Variants in RIMS2 observed in about 807,000 individuals in gnomAD.
RIMS2 encodes regulating synaptic membrane exocytosis 2, also known as regulating synaptic membrane exocytosis protein 2.
RIMS2 carries 59 observed loss-of-function variants against 174.4 expected under a neutral mutation model. That is an observed-to-expected ratio of 0.34 (90% confidence interval 0.27 to 0.42). The LOEUF (loss-of-function observed/expected upper bound fraction) is 0.42, where lower values mean the gene tolerates loss of function less well. RIMS2 is among the 10% of genes least tolerant of loss of function. The pLI, the probability that RIMS2 is intolerant of heterozygous loss-of-function variation, is 1.00. For missense variants in RIMS2, 1,620 were observed against 1,666.3 expected, an observed-to-expected ratio of 0.97 and a Z score of 0.48; for synonymous variants, 606 against 572.5, an observed-to-expected ratio of 1.06 and a Z score of -0.84.
chr8:103,590,123 GT>G (rs1205696096), intron 1 of RIMS2, among the ~76,000 whole-genome samples: 1 of 151,340 alleles, frequency 6.6e-6, no homozygotes, highest in Admixed American at 6.6e-5. Context: ...GCTTGAGATG[GT>G]GGATACCACA....
chr8:104,054,882 AT>A (rs2096843316), intron 19 of RIMS2, among the ~76,000 whole-genome samples: 1 of 152,154 alleles, frequency 6.6e-6, no homozygotes, highest in Non-Finnish European at 1.5e-5. Flanking sequence ...AAATGTAAAT[AT>A]TTTATAACAT....
chr8:103,920,642 G>A (rs572523302), intron 9 of RIMS2: 1 of 457,150 alleles, frequency 2.2e-6, no homozygotes, highest in South Asian at 1.5e-5. Context: ...TCCCAGAGGT[G>A]TTGTAGGTTC....
At chr8:103,910,193 A>T (rs566383255) in exon 5 of RIMS2, 1 of 1,608,026 alleles carries the variant, frequency 6.2e-7, no homozygotes, top group African/African-American at 1.3e-5. Context: ...GGCATCCCCA[A>T]TGTCTTTGGT....
intron 4 of RIMS2, among the ~76,000 whole-genome samples, chr8:103,898,085 C>T (rs1285581735): frequency 6.6e-6 from 1 of 151,704 alleles, no homozygotes; most frequent in Non-Finnish European, 1.5e-5. Context: ...AGGGGATGAT[C>T]TGACCATTCC....
At chr8:104,092,619 C>T (rs1443909877) in intron 19 of RIMS2, among the ~76,000 whole-genome samples, 1 of 151,650 alleles carries the variant, frequency 6.6e-6, no homozygotes, top group East Asian at 1.9e-4. Context: ...TTTAAGAAGC[C>T]TTTTACAGGT....
intron 17 of RIMS2, among the ~76,000 whole-genome samples, chr8:103,990,588 A>AAAG (rs2094616592): frequency 6.6e-6 from 1 of 152,080 alleles, no homozygotes; most frequent in Non-Finnish European, 1.5e-5. Flanking sequence ...ACTGTAATAG[A>AAAG]AAGAAGGGTA....
At chr8:104,022,905 T>G (rs1232249090) in intron 19 of RIMS2, among the ~76,000 whole-genome samples, 1 of 152,228 alleles carries the variant, frequency 6.6e-6, no homozygotes, top group Non-Finnish European at 1.5e-5. Flanking sequence ...AATTAATGAA[T>G]AAATTTGTAA....
intron 10 of RIMS2, among the ~76,000 whole-genome samples, chr8:103,927,542 A>G (rs2079008683): frequency 6.6e-6 from 1 of 151,562 alleles, no homozygotes; most frequent in Non-Finnish European, 1.5e-5. Flanking sequence ...ATTCTTTCAA[A>G]GTACATGAGC....
chr8:103,856,740 T>A (rs10089467), intron 3 of RIMS2, among the ~76,000 whole-genome samples: 61,148 of 152,040 alleles, frequency 0.4, 12,753 homozygotes, highest in African/African-American at 0.44. Context: ...CATTTTAATT[T>A]ATAGTTTGTT....
In RIMS2 at chr8:104,164,027, T is replaced by C. The variant is rs189753173; in HGVS notation, c.3335-80889T>C. Among the ~76,000 whole-genome samples, 3 of 152,256 alleles carry C rather than the reference T, an allele frequency of 2.0e-5. No homozygotes were observed. In the East Asian group the frequency reaches 5.8e-4, roughly 29 times the overall value. On this transcript the variant is annotated intron_variant, in intron 19 of 23. Coordinates refer to ENST00000504942, the Ensembl canonical transcript of RIMS2. ...ACTTCACCACCTTTCAGCCAAATCCTCCTTTCCAAAGGAAATATCGTAGCC... is the reference window on the plus strand; with the variant it reads ...ACTTCACCACCTTTCAGCCAAATCCCCCTTTCCAAAGGAAATATCGTAGCC...
chr8:103,834,742 T>TTCTTTCTTTCTTTCTTTCTCTCTC (rs1406395709), intron 3 of RIMS2, among the ~76,000 whole-genome samples: 8 of 109,582 alleles, frequency 7.3e-5, no homozygotes, highest in African/African-American at 3.4e-4. Flanking sequence ...CTTTCTTTCT[T>TTCTTTCTTTCTTTCTTTCTCTCTC]TCTCTCTCTT....
chr8:104,137,856 T>C (rs777522005), intron 19 of RIMS2, among the ~76,000 whole-genome samples: 6 of 152,194 alleles, frequency 3.9e-5, no homozygotes, highest in Non-Finnish European at 7.4e-5. Flanking sequence ...CACCCTGTTG[T>C]GCTTTCAAAT....
chr8:103,927,812 A>T (rs760107809), intron 10 of RIMS2: 1 of 1,551,220 alleles, frequency 6.4e-7, no homozygotes, highest in Non-Finnish European at 8.9e-7. Context: ...GTTTTGTTTT[A>T]TTGCTTTTTT....
chr8:104,190,853 G>T lies in RIMS2; in HGVS notation c.3335-54063G>T, dbSNP rs181759609. Among the ~76,000 whole-genome samples the T allele has an allele frequency of 1.6e-3, 240 of 151,918 alleles. 1 individual carries two copies. Among genetic ancestry groups the T allele is most frequent in the Non-Finnish European group, 2.5e-3 (169 of 67,932 alleles). On this transcript the variant is annotated intron_variant, in intron 19 of 23. Transcript: ENST00000504942. ...TGGCAGACTGAATTATTGATAACAG[G>T]TTGCAAATATTTTATAGGCTCATTC...
intron 19 of RIMS2, among the ~76,000 whole-genome samples, chr8:104,236,111 A>C (rs1422825435): frequency 6.6e-6 from 1 of 151,342 alleles, no homozygotes; most frequent in Admixed American, 6.6e-5. Context: ...ATTTCCAGTA[A>C]ACTGGAGGTT....
intron 1 of RIMS2, among the ~76,000 whole-genome samples, chr8:103,561,168 ATCTT>A (rs2091527648): frequency 6.6e-6 from 1 of 152,160 alleles, no homozygotes; most frequent in South Asian, 2.1e-4. Context: ...ATATATATAT[ATCTT>A]AAGAGATTAT....
chr8:103,574,244 T>C (rs1488953871), intron 1 of RIMS2, among the ~76,000 whole-genome samples: 3 of 152,056 alleles, frequency 2.0e-5, no homozygotes, highest in Non-Finnish European at 4.4e-5. Flanking sequence ...TGCCCTAGGT[T>C]CCCCCACTTT....
At chr8:103,910,942 G>A (rs1156343427) in intron 5 of RIMS2, among the ~76,000 whole-genome samples, 1 of 152,154 alleles carries the variant, frequency 6.6e-6, no homozygotes, top group Non-Finnish European at 1.5e-5. Context: ...AGGCAAAAGG[G>A]AGATAATTGG....
At chr8:103,808,998 C>A (rs1471048281) in intron 3 of RIMS2, among the ~76,000 whole-genome samples, 1 of 152,142 alleles carries the variant, frequency 6.6e-6, no homozygotes, top group Non-Finnish European at 1.5e-5. Context: ...ATTGCTACAG[C>A]AAAACACATA....
Sources: gnomAD v4.1 joint callset for allele counts (sites outside exome capture counted in the v4.1 genomes callset) on GRCh38, gnomAD v4.1.1 for gene constraint, MANE v1.5 for transcripts, NCBI Gene and HGNC (gene_info 2026-07-23, HGNC 2026-07-21) for gene names.